MCUB: variants seen among roughly 807,000 people sequenced by gnomAD.
MCUB encodes calcium uniporter regulatory subunit MCUb, mitochondrial.
Under a neutral mutation model 41.4 loss-of-function variants are expected in MCUB, and 46 were observed. The observed-to-expected ratio is 1.11, with a 90% CI of 0.88 to 1.42. The LOEUF is 1.42. Among genes scored for constraint, MCUB ranks in the 40% most tolerant of loss-of-function variants. The probability of loss-of-function intolerance (pLI) is 0.00; values close to 1 mark genes in which losing one functional copy is unlikely to be tolerated. For missense variants in MCUB, 403 were observed against 404.9 expected (o/e 1.00, Z 0.04); for synonymous variants, 148 against 148.2 (o/e 1.00, Z 0.01).
intron 1 of MCUB, among the ~76,000 whole-genome samples, chr4:109,564,415 A>G (rs1055190022): frequency 1.3e-5 from 2 of 152,088 alleles, no homozygotes; most frequent in Non-Finnish European, 2.9e-5. Context: ...TGGGATTACA[A>G]GCATGAGACA....
chr4:109,565,486 G>A (rs1406237557), intron 1 of MCUB, among the ~76,000 whole-genome samples: 1 of 152,166 alleles, frequency 6.6e-6, no homozygotes, highest in Non-Finnish European at 1.5e-5. Context: ...AAAATTCAGT[G>A]AAAACATTTG....
At chr4:109,684,321 C>T (rs1240310778) in intron 5 of MCUB, 122 bp from the exon 6 acceptor site, 2 of 664,414 alleles carry the variant, frequency 3.0e-6, no homozygotes, top group East Asian at 5.8e-5. Context: ...CTCGGCCTCC[C>T]AGAGTGCTGA....
intron 1 of MCUB, among the ~76,000 whole-genome samples, chr4:109,566,202 G>A (rs145510489): frequency 4.0e-5 from 6 of 148,624 alleles, no homozygotes; most frequent in African/African-American, 1.5e-4. Flanking sequence ...GGGCACAGTG[G>A]CTCACGCCTG....
intron 4 of MCUB, among the ~76,000 whole-genome samples, chr4:109,677,690 A>T (rs1729603098): frequency 6.6e-6 from 1 of 151,882 alleles, no homozygotes; most frequent in Non-Finnish European, 1.5e-5. Context: ...CACCCACGTA[A>T]TGCTTTCTGC....
At chr4:109,609,664 G>A (rs746257573) in intron 1 of MCUB, among the ~76,000 whole-genome samples, 5 of 152,140 alleles carry the variant, frequency 3.3e-5, no homozygotes, top group Non-Finnish European at 7.4e-5. Context: ...TGGTTCAGAT[G>A]CCTCTTGAAA....
chr4:109,680,626 G>A (rs577658560), intron 4 of MCUB, among the ~76,000 whole-genome samples: 1 of 152,300 alleles, frequency 6.6e-6, no homozygotes, highest in East Asian at 1.9e-4. Flanking sequence ...AGAACACCTA[G>A]CTTTCACCCC....
chr4:109,672,029 T>G (rs1729469130), intron 4 of MCUB, among the ~76,000 whole-genome samples: 1 of 152,008 alleles, frequency 6.6e-6, no homozygotes, highest in African/African-American at 2.4e-5. Flanking sequence ...CCTGTTAATG[T>G]AGTGGTAAGA....
chr4:109,641,887 G>A (rs1728723335), intron 1 of MCUB, among the ~76,000 whole-genome samples: 1 of 152,108 alleles, frequency 6.6e-6, no homozygotes, highest in Non-Finnish European at 1.5e-5. Flanking sequence ...TTGTTTCCCA[G>A]TTTGGAATTA....
intron 4 of MCUB, among the ~76,000 whole-genome samples, chr4:109,666,344 G>C (rs1030136224): frequency 1.6e-4 from 25 of 152,202 alleles, no homozygotes; most frequent in African/African-American, 6.0e-4. Flanking sequence ...CACATATGGT[G>C]AGAGTGTTTA....
intron 1 of MCUB, among the ~76,000 whole-genome samples, chr4:109,603,416 G>C (rs143890492): frequency 7.4e-4 from 113 of 152,302 alleles, no homozygotes; most frequent in African/African-American, 2.6e-3. Context: ...GCCCAGGCTG[G>C]AGTGCAGTGG....
In MCUB at chr4:109,664,410, A is replaced by C; in HGVS notation, c.451+16A>C. ...CCAAAGAGAGGTAAGAAACACAGCT[A>C]TCCAACTATTACTTTTTTTTTTTTT... On this transcript the variant is annotated intron_variant, in intron 4 of 7. Transcript: ENST00000394650. The C allele has an allele frequency of 1.0e-6, 1 of 956,630 alleles. No individual in the cohort carries two copies. The allele number at this position is 956,630 out of a possible 1,614,324, so 59.3% of individuals were successfully genotyped here.
At chr4:109,613,268 A>C (rs986361414) in intron 1 of MCUB, among the ~76,000 whole-genome samples, 1 of 152,224 alleles carries the variant, frequency 6.6e-6, no homozygotes, top group African/African-American at 2.4e-5. Flanking sequence ...TAATGTGCCC[A>C]AAAAAATGTG....
chr4:109,638,706 C>A (rs1306075510), intron 1 of MCUB, among the ~76,000 whole-genome samples: 1 of 152,170 alleles, frequency 6.6e-6, no homozygotes. Context: ...GAACTTCTTT[C>A]AAAATTGGAG....
At chr4:109,662,298 C>T (rs779085150) in intron 3 of MCUB, among the ~76,000 whole-genome samples, 4 of 152,170 alleles carry the variant, frequency 2.6e-5, no homozygotes, top group East Asian at 1.9e-4. Context: ...TGTCCATGGG[C>T]GTTTTCCACA....
At chr4:109,668,697 T>C (rs542780361) in intron 4 of MCUB, among the ~76,000 whole-genome samples, 1 of 151,664 alleles carries the variant, frequency 6.6e-6, no homozygotes, top group Non-Finnish European at 1.5e-5. Flanking sequence ...TTGTTGCCAC[T>C]GTTTTTTTTT....
chr4:109,607,262 G>T (rs903179415), intron 1 of MCUB, among the ~76,000 whole-genome samples: 5 of 151,678 alleles, frequency 3.3e-5, no homozygotes, highest in Admixed American at 6.6e-5. Context: ...TTGTCCCCCA[G>T]GCTGGAGTGC....
chr4:109,685,066 A>C, intron 6 of MCUB, 185 bp from the exon 7 acceptor site: 2 of 461,202 alleles, frequency 4.3e-6, no homozygotes, highest in Non-Finnish European at 7.6e-6. Context: ...TGAAAGGAGC[A>C]GCAGATCTTA....
chr4:109,584,757 G>A lies in MCUB; in HGVS notation c.99+24321G>A, dbSNP rs113705027. Among the ~76,000 whole-genome samples, 44 of 152,296 alleles carry A rather than the reference G, an allele frequency of 2.9e-4. 1 individual carries two copies. The highest frequency in any genetic ancestry group is 1.0e-3 in the African/African-American group (42 of 41,554). ...CGTTGTTCAGTTTCCATGTAGTTGC[G>A]TGGTTTTGAATGAGTTTCTTAATCC... On this transcript the variant is annotated intron_variant, in intron 1 of 7. Transcript: ENST00000394650.
intron 4 of MCUB, among the ~76,000 whole-genome samples, chr4:109,673,154 C>A (rs1369337001): frequency 6.6e-6 from 1 of 152,112 alleles, no homozygotes; most frequent in Non-Finnish European, 1.5e-5. Flanking sequence ...AAGAGGAAAT[C>A]CCTGTTAAGA....
Sources: allele counts gnomAD v4.1 joint callset (sites outside exome capture counted in the v4.1 genomes callset), GRCh38; gene constraint gnomAD v4.1.1; transcripts MANE v1.5; gene names NCBI Gene and HGNC (gene_info 2026-07-23, HGNC 2026-07-21).